Variants in ATP8A2 observed in about 807,000 individuals in gnomAD.
ATP8A2 encodes ATPase phospholipid transporting 8A2.
A neutral mutation model predicts 165.6 loss-of-function variants in ATP8A2; 100 were observed. The observed-to-expected ratio is 0.60, with a 90% confidence interval of 0.51 to 0.71. The LOEUF (loss-of-function observed/expected upper bound fraction) is 0.71, where lower values mean the gene tolerates loss of function less well. ATP8A2 is among the 30% of genes least tolerant of loss of function. The probability of loss-of-function intolerance (pLI) is 0.00; values close to 1 mark genes in which losing one functional copy is unlikely to be tolerated. For synonymous variants in ATP8A2, 543 were observed against 548.8 expected, an observed-to-expected ratio of 0.99 and a Z score of 0.15; for missense variants, 1,227 against 1,479.5, an observed-to-expected ratio of 0.83 and a Z score of 2.80.
chr13:25,821,078 C>T (rs1423145555), intron 27 of ATP8A2, among the ~76,000 whole-genome samples: 1 of 152,040 alleles, frequency 6.6e-6, no homozygotes, highest in African/African-American at 2.4e-5. Context: ...TTATGCTTCT[C>T]AAAAAGCTGC....
chr13:25,975,413 TAAAAATACAAAAA>T (rs1334725565), intron 35 of ATP8A2, among the ~76,000 whole-genome samples: 1 of 127,644 alleles, frequency 7.8e-6, no homozygotes, highest in Non-Finnish European at 1.7e-5. Context: ...CCGTCTCTAC[TAAAAATACAAAAA>T]AAAAAATTAG....
At chr13:25,563,500 A>G (rs576617533) in intron 15 of ATP8A2, among the ~76,000 whole-genome samples, 1 of 152,000 alleles carries the variant, frequency 6.6e-6, no homozygotes, top group Non-Finnish European at 1.5e-5. Flanking sequence ...CAGCCATCAT[A>G]TTGTTTCCTT....
At chr13:25,553,016 C>T (rs1025008144) in intron 11 of ATP8A2, among the ~76,000 whole-genome samples, 8 of 152,106 alleles carry the variant, frequency 5.3e-5, no homozygotes, top group African/African-American at 1.7e-4. Flanking sequence ...CTTCTGCTAT[C>T]TTTATTCTCA....
intron 27 of ATP8A2, among the ~76,000 whole-genome samples, chr13:25,821,752 C>T (rs1951186780): frequency 6.6e-6 from 1 of 152,072 alleles, no homozygotes; most frequent in African/African-American, 2.4e-5. Context: ...CTCTTCTGGG[C>T]CTTGTAGGAT....
In ATP8A2 at chr13:25,559,718, C is replaced by G; in HGVS notation, c.1353-3C>G. ...ACCACTCTGTTTTCCGTTTCTCTGG[C>G]AGTCACTTCCCAGAATTGGCAAGAG... On this transcript the variant is annotated splice_polypyrimidine_tract_variant and splice_region_variant and intron_variant, in intron 14 of 36. Transcript: ENST00000381655. 1 of 1,612,528 alleles carries G rather than the reference C, an allele frequency of 6.2e-7. No individual in the cohort carries two copies. Among genetic ancestry groups the G allele is most frequent in the Non-Finnish European group, 8.5e-7 (1 of 1,178,656 alleles).
At chr13:25,505,912 A>T (rs74042970) in intron 2 of ATP8A2, among the ~76,000 whole-genome samples, 447 of 152,314 alleles carry the variant, frequency 2.9e-3, no homozygotes, top group African/African-American at 0.01. Flanking sequence ...CAACTTCACA[A>T]GACCCGCGAT....
intron 25 of ATP8A2, among the ~76,000 whole-genome samples, chr13:25,739,634 A>G (rs1269656516): frequency 6.6e-6 from 1 of 152,204 alleles, no homozygotes; most frequent in Non-Finnish European, 1.5e-5. Context: ...ATAAATGGCA[A>G]GGTAACCACT....
chr13:25,974,199 C>T (rs1374319873), intron 35 of ATP8A2, among the ~76,000 whole-genome samples: 1 of 152,140 alleles, frequency 6.6e-6, no homozygotes, highest in Non-Finnish European at 1.5e-5. Context: ...CATACATTCG[C>T]TTTGAGGTTT....
chr13:25,681,552 A>G (rs2042488789), intron 24 of ATP8A2, among the ~76,000 whole-genome samples: 1 of 152,182 alleles, frequency 6.6e-6, no homozygotes, highest in Non-Finnish European at 1.5e-5. Flanking sequence ...ACGTGCAGGC[A>G]GGGAGCTGGT....
At chr13:25,709,503 A>G (rs1387455463) in intron 25 of ATP8A2, among the ~76,000 whole-genome samples, 3 of 151,746 alleles carry the variant, frequency 2.0e-5, no homozygotes, top group East Asian at 3.9e-4. Flanking sequence ...ATATAAAATC[A>G]TGATGAATAG....
At chr13:25,685,050 A>G (rs1347350848) in intron 24 of ATP8A2, among the ~76,000 whole-genome samples, 1 of 152,170 alleles carries the variant, frequency 6.6e-6, no homozygotes, top group Non-Finnish European at 1.5e-5. Flanking sequence ...ACCTGCTTAC[A>G]AATTGACTCC....
intron 24 of ATP8A2, among the ~76,000 whole-genome samples, chr13:25,658,574 G>A (rs937351186): frequency 6.6e-6 from 1 of 152,200 alleles, no homozygotes; most frequent in African/African-American, 2.4e-5. Context: ...GAGAGGCAGA[G>A]GTTGCAGTGA....
At chr13:25,412,791 A>G (rs1240673285) in intron 1 of ATP8A2, among the ~76,000 whole-genome samples, 1 of 152,192 alleles carries the variant, frequency 6.6e-6, no homozygotes, top group African/African-American at 2.4e-5. Flanking sequence ...GGTAGGACCT[A>G]CATGAGCATA....
At chr13:25,565,634 T>C (rs1283847089) in intron 16 of ATP8A2, among the ~76,000 whole-genome samples, 1 of 152,256 alleles carries the variant, frequency 6.6e-6, no homozygotes, top group Non-Finnish European at 1.5e-5. Context: ...TATTAGTCCT[T>C]TGTCAGATGC....
intron 2 of ATP8A2, among the ~76,000 whole-genome samples, chr13:25,480,760 C>T (rs1463656931): frequency 1.3e-5 from 2 of 150,658 alleles, no homozygotes; most frequent in Admixed American, 6.6e-5. Flanking sequence ...GGGTGGCGGC[C>T]GGGCAGAGGC....
intron 33 of ATP8A2, among the ~76,000 whole-genome samples, chr13:25,905,825 C>T (rs1953920939): frequency 6.6e-6 from 1 of 152,194 alleles, no homozygotes; most frequent in African/African-American, 2.4e-5. Context: ...CCCATCTCAG[C>T]CCTTCCTCGC....
intron 23 of ATP8A2, among the ~76,000 whole-genome samples, chr13:25,584,990 A>G (rs1015699712): frequency 2.0e-5 from 3 of 152,144 alleles, no homozygotes; most frequent in African/African-American, 4.8e-5. Flanking sequence ...TTTAAAATAT[A>G]TATATCTATC....
At chr13:26,016,487 C>T (rs889793096) in intron 36 of ATP8A2, among the ~76,000 whole-genome samples, 3 of 152,148 alleles carry the variant, frequency 2.0e-5, no homozygotes, top group Non-Finnish European at 2.9e-5. Context: ...AAGAAACCCC[C>T]GGAGTTGGGT....
chr13:25,516,866 C>T (rs897017279), intron 2 of ATP8A2, among the ~76,000 whole-genome samples: 7 of 151,366 alleles, frequency 4.6e-5, no homozygotes, highest in Non-Finnish European at 7.4e-5. Flanking sequence ...CTGCAACCTC[C>T]GCTTTCTGGG....
Sources: allele counts gnomAD v4.1 joint callset (sites outside exome capture counted in the v4.1 genomes callset), GRCh38; gene constraint gnomAD v4.1.1; transcripts MANE v1.5; gene names NCBI Gene and HGNC (gene_info 2026-07-23, HGNC 2026-07-21).